Variants in CACNA2D3 observed in about 807,000 individuals in gnomAD.
The protein encoded by CACNA2D3 is voltage-dependent calcium channel subunit alpha-2/delta-3.
CACNA2D3 carries 60 observed loss-of-function variants against 160.6 expected under a neutral mutation model. The ratio of observed to expected loss-of-function variants is 0.37; its 90% CI spans 0.30 to 0.46. The LOEUF is 0.46. Ranked by LOEUF, CACNA2D3 falls within the 20% of genes least tolerant of loss-of-function variation. The pLI is 1.00. For missense variants in CACNA2D3, 1,205 were observed against 1,365.0 expected, an observed-to-expected ratio of 0.88 and a Z score of 1.85; for synonymous variants, 558 against 492.9, an observed-to-expected ratio of 1.13 and a Z score of -1.75.
chr3:54,404,720 A>T (rs1039885707), intron 4 of CACNA2D3, among the ~76,000 whole-genome samples: 12 of 152,130 alleles, frequency 7.9e-5, no homozygotes, highest in Non-Finnish European at 1.5e-4. Flanking sequence ...ATGATCCTTT[A>T]TGTAGAAAAC....
intron 35 of CACNA2D3, among the ~76,000 whole-genome samples, chr3:55,045,036 G>T (rs571164581): frequency 5.9e-5 from 9 of 152,078 alleles, no homozygotes; most frequent in African/African-American, 1.4e-4. Flanking sequence ...TGTTAATAAG[G>T]TCTGTTGATA....
At chr3:54,358,902 T>G (rs1292711889) in intron 3 of CACNA2D3, among the ~76,000 whole-genome samples, 1 of 152,192 alleles carries the variant, frequency 6.6e-6, no homozygotes, top group African/African-American at 2.4e-5. Flanking sequence ...TAGGACAATT[T>G]TTTTTCCTCC....
intron 12 of CACNA2D3, among the ~76,000 whole-genome samples, chr3:54,759,299 A>G (rs182379885): frequency 2.6e-5 from 4 of 152,176 alleles, no homozygotes; most frequent in Non-Finnish European, 5.9e-5. Context: ...GAGAATAAAC[A>G]TTCAAGACCT....
chr3:54,232,147 T>C (rs1473016072), intron 2 of CACNA2D3, among the ~76,000 whole-genome samples: 2 of 152,228 alleles, frequency 1.3e-5, no homozygotes, highest in Admixed American at 6.5e-5. Context: ...TGTGTCTGTC[T>C]AACATGAGGA....
intron 17 of CACNA2D3, among the ~76,000 whole-genome samples, chr3:54,855,155 G>A (rs1051504450): frequency 1.3e-5 from 2 of 152,148 alleles, no homozygotes; most frequent in Non-Finnish European, 2.9e-5. Context: ...TCTGATCTGG[G>A]CTGCGACTCT....
intron 3 of CACNA2D3, among the ~76,000 whole-genome samples, chr3:54,375,519 C>G (rs1404703723): frequency 6.6e-6 from 1 of 151,988 alleles, no homozygotes; most frequent in African/African-American, 2.4e-5. Flanking sequence ...GTCAAACATA[C>G]AAGGATCTGG....
At position 54,616,910 on chromosome 3, in the gene CACNA2D3, A is replaced by G. The variant is rs138179156; in HGVS notation, c.964-10877A>G. Among the ~76,000 whole-genome samples the G allele has an allele frequency of 5.1e-3, 776 of 152,228 alleles. 4 individuals are homozygous for G. Among genetic ancestry groups the G allele is most frequent in the African/African-American group, 0.015 (610 of 41,542 alleles). ...ACTCAGGGACAAGGCTGGTGTGTAG[A>G]GGGCACCCAGAGAATATTAGTTGAT... is the stretch of plus-strand genomic sequence containing the variant. On this transcript the variant is annotated intron_variant, in intron 9 of 37. Coordinates refer to ENST00000474759, the MANE Select transcript of CACNA2D3 (RefSeq NM_018398.3).
intron 13 of CACNA2D3, among the ~76,000 whole-genome samples, chr3:54,773,310 T>C (rs184396155): frequency 6.6e-6 from 1 of 152,360 alleles, no homozygotes; most frequent in Non-Finnish European, 1.5e-5. Context: ...AAAGCCATCC[T>C]AAGGATGTTC....
At chr3:54,791,102 T>A (rs1702747751) in intron 13 of CACNA2D3, among the ~76,000 whole-genome samples, 1 of 152,182 alleles carries the variant, frequency 6.6e-6, no homozygotes, top group Non-Finnish European at 1.5e-5. Flanking sequence ...AGAGTTTCTT[T>A]CTCTGAGCTC....
intron 11 of CACNA2D3, among the ~76,000 whole-genome samples, chr3:54,715,773 A>T (rs1354694129): frequency 1.3e-5 from 2 of 152,180 alleles, no homozygotes; most frequent in Admixed American, 6.5e-5. Context: ...ATTCAGCCAT[A>T]AAAAAGAGGG....
chr3:54,741,012 A>G (rs1177473448), intron 11 of CACNA2D3, among the ~76,000 whole-genome samples: 5 of 152,100 alleles, frequency 3.3e-5, no homozygotes, highest in Non-Finnish European at 5.9e-5. Flanking sequence ...CCCAAATCCC[A>G]ATGAGAAAAT....
At chr3:54,619,681 TTTC>T (rs1302935582) in intron 9 of CACNA2D3, among the ~76,000 whole-genome samples, 4 of 152,218 alleles carry the variant, frequency 2.6e-5, no homozygotes, top group Non-Finnish European at 5.9e-5. Context: ...GCCATTCTGT[TTTC>T]TTCTTTGAGA....
intron 14 of CACNA2D3, among the ~76,000 whole-genome samples, chr3:54,835,038 A>T (rs1222460088): frequency 6.6e-6 from 1 of 152,254 alleles, no homozygotes; most frequent in East Asian, 1.9e-4. Context: ...AGCAACATCT[A>T]GACTGGCAGT....
chr3:54,886,461 G>A (rs989710259), intron 23 of CACNA2D3, among the ~76,000 whole-genome samples: 7 of 152,182 alleles, frequency 4.6e-5, no homozygotes, highest in Non-Finnish European at 1.0e-4. Flanking sequence ...TAATACATTT[G>A]TAGTCACCAT....
intron 13 of CACNA2D3, among the ~76,000 whole-genome samples, chr3:54,798,104 ATC>A (rs954308173): frequency 6.6e-6 from 1 of 152,230 alleles, no homozygotes; most frequent in Non-Finnish European, 1.5e-5. Flanking sequence ...ATCAAATATT[ATC>A]TGTCTTAGAA....
At chr3:54,832,906 G>T (rs1004861998) in intron 14 of CACNA2D3, among the ~76,000 whole-genome samples, 2 of 152,136 alleles carry the variant, frequency 1.3e-5, no homozygotes, top group African/African-American at 4.8e-5. Context: ...AAAATGGATG[G>T]GTCACAAGTC....
intron 26 of CACNA2D3, among the ~76,000 whole-genome samples, chr3:54,898,133 TTTTCTTTTTTC>T (rs1228237985): frequency 1.5e-5 from 2 of 136,264 alleles, no homozygotes; most frequent in African/African-American, 2.9e-5. Flanking sequence ...TTCTTTTTCT[TTTTCTTTTTTC>T]TTTCTTTCTT....
chr3:54,590,188 G>A (rs977530602), intron 9 of CACNA2D3, among the ~76,000 whole-genome samples: 1 of 151,984 alleles, frequency 6.6e-6, no homozygotes, highest in Non-Finnish European at 1.5e-5. Context: ...TAAACAAACT[G>A]TTCTATGTCG....
At chr3:54,604,954 A>G (rs1261000309) in intron 9 of CACNA2D3, among the ~76,000 whole-genome samples, 1 of 152,180 alleles carries the variant, frequency 6.6e-6, no homozygotes, top group African/African-American at 2.4e-5. Flanking sequence ...GTATTGTCTC[A>G]CAGTTCTGGA....
Sources: gnomAD v4.1 joint callset for allele counts (sites outside exome capture counted in the v4.1 genomes callset) on GRCh38, gnomAD v4.1.1 for gene constraint, MANE v1.5 for transcripts, NCBI Gene and HGNC (gene_info 2026-07-23, HGNC 2026-07-21) for gene names.